ADGRB3: variants seen among roughly 807,000 people sequenced by gnomAD.
The protein encoded by ADGRB3 is adhesion G protein-coupled receptor B3, also known as brain-specific angiogenesis inhibitor 3.
In ADGRB3, 37 loss-of-function variants were observed where a neutral mutation model predicts 193.4. That is an observed-to-expected ratio of 0.19 (90% CI 0.15 to 0.25). ADGRB3 has a LOEUF of 0.25. ADGRB3 is among the 10% of genes least tolerant of loss of function. The probability of loss-of-function intolerance (pLI) is 1.00; values close to 1 mark genes in which losing one functional copy is unlikely to be tolerated. For missense variants in ADGRB3, 1,637 were observed against 1,852.9 expected (o/e 0.88, Z 2.14); for synonymous variants, 690 against 644.2 (o/e 1.07, Z -1.08).
At chr6:69,158,076 C>G (rs1011420120) in intron 17 of ADGRB3, among the ~76,000 whole-genome samples, 4 of 152,120 alleles carry the variant, frequency 2.6e-5, no homozygotes, top group African/African-American at 7.2e-5. Flanking sequence ...TATGCCAGAT[C>G]TCCTGCTTAA....
chr6:69,218,239 G>A (rs1410683665), intron 17 of ADGRB3, among the ~76,000 whole-genome samples: 1 of 152,018 alleles, frequency 6.6e-6, no homozygotes, highest in Non-Finnish European at 1.5e-5. Context: ...ACTGATTCTG[G>A]TACCAAAAGG....
intron 24 of ADGRB3, among the ~76,000 whole-genome samples, chr6:69,337,673 A>AC (rs752270561): frequency 6.6e-6 from 1 of 151,976 alleles, no homozygotes. Flanking sequence ...CATATTCCCC[A>AC]CCCCCACACT....
At chr6:68,780,677 A>G (rs1766835706) in intron 3 of ADGRB3, among the ~76,000 whole-genome samples, 1 of 152,092 alleles carries the variant, frequency 6.6e-6, no homozygotes, top group South Asian at 2.1e-4. Context: ...TGGTGTGCTA[A>G]GCACAAGGGT....
Position 69,251,755 on chromosome 6 carries a change from A to C in ADGRB3, c.2814+12529A>C, listed in dbSNP as rs60828937. Among the ~76,000 whole-genome samples the C allele has an allele frequency of 2.5e-3, 387 of 152,304 alleles. 1 individual carries two copies. The highest frequency in any genetic ancestry group is 8.7e-3 in the African/African-American group (362 of 41,568). On this transcript the variant is annotated intron_variant, in intron 20 of 31. Transcript: ENST00000370598. ...TTACTTAACATATCCATTACCTGAC[A>C]TAGCTACCCTTTTTGTTTATTGTTT...
chr6:69,304,263 C>A (rs564166629), intron 20 of ADGRB3, among the ~76,000 whole-genome samples: 2 of 151,668 alleles, frequency 1.3e-5, no homozygotes, highest in Non-Finnish European at 2.9e-5. Context: ...ATAATTAAAT[C>A]ATCATGGAAA....
intron 20 of ADGRB3, among the ~76,000 whole-genome samples, chr6:69,271,451 C>T (rs565200987): frequency 7.3e-4 from 111 of 152,196 alleles, no homozygotes; most frequent in Non-Finnish European, 1.3e-3. Flanking sequence ...AATATTGATA[C>T]ACCTAAGGTC....
chr6:69,131,396 G>A (rs1217366662), intron 17 of ADGRB3, among the ~76,000 whole-genome samples: 2 of 142,838 alleles, frequency 1.4e-5, no homozygotes, highest in Admixed American at 1.4e-4. Context: ...TAAAGCACAA[G>A]GATTTTTTTT....
chr6:69,131,393 C>A (rs2150334164), intron 17 of ADGRB3, among the ~76,000 whole-genome samples: 1 of 143,464 alleles, frequency 7.0e-6, no homozygotes, highest in East Asian at 1.9e-4. Flanking sequence ...AGTTAAAGCA[C>A]AAGGATTTTT....
chr6:69,272,227 C>T (rs1767196752), intron 20 of ADGRB3, among the ~76,000 whole-genome samples: 1 of 152,148 alleles, frequency 6.6e-6, no homozygotes, highest in South Asian at 2.1e-4. Flanking sequence ...TTTTGTAACT[C>T]CTCTTTCTTT....
At chr6:68,815,943 T>A (rs182411108) in intron 3 of ADGRB3, among the ~76,000 whole-genome samples, 1 of 151,984 alleles carries the variant, frequency 6.6e-6, no homozygotes, top group African/African-American at 2.4e-5. Context: ...TAGGCAGATA[T>A]GGGGAAGGTA....
At chr6:68,972,677 C>G (rs1174608361) in intron 8 of ADGRB3, among the ~76,000 whole-genome samples, 1 of 152,048 alleles carries the variant, frequency 6.6e-6, no homozygotes, top group African/African-American at 2.4e-5. Context: ...TCCAAAAGGG[C>G]TTAATAAATA....
chr6:68,707,021 C>T (rs998749896), intron 3 of ADGRB3, among the ~76,000 whole-genome samples: 5 of 145,870 alleles, frequency 3.4e-5, no homozygotes, highest in African/African-American at 1.3e-4. Flanking sequence ...TGAGGCAGGA[C>T]AATGGTGTGA....
Position 68,887,492 on chromosome 6 carries a change from C to T in ADGRB3, c.758-43067C>T, listed in dbSNP as rs531409010. Among the ~76,000 whole-genome samples, 14 of 152,136 alleles carry T rather than the reference C, an allele frequency of 9.2e-5. No homozygotes were observed. The South Asian group carries it at 1.4e-3, about 16-fold the overall frequency. ...AACTAATTTCTTAAGTACTATTTTC[C>T]GGTTAGCAGACAACATAACGAGTTT... On this transcript the variant is annotated intron_variant, in intron 3 of 31. Transcript: ENST00000370598.
intron 3 of ADGRB3, among the ~76,000 whole-genome samples, chr6:68,745,457 G>A (rs1029815906): frequency 2.0e-5 from 3 of 152,098 alleles, no homozygotes; most frequent in African/African-American, 7.2e-5. Context: ...GAGAGGAGTT[G>A]TTTAATGAGT....
At chr6:68,767,721 T>A (rs1766537333) in intron 3 of ADGRB3, among the ~76,000 whole-genome samples, 2 of 151,982 alleles carry the variant, frequency 1.3e-5, no homozygotes, top group Admixed American at 6.6e-5. Context: ...AAATAAAGGG[T>A]CTTCAAATAG....
At chr6:68,656,339 A>C (rs561433710) in intron 3 of ADGRB3, among the ~76,000 whole-genome samples, 4 of 151,586 alleles carry the variant, frequency 2.6e-5, no homozygotes, top group African/African-American at 9.7e-5. Context: ...AGATTTTGAC[A>C]TTACTGTGTG....
chr6:69,067,566 C>T (rs1294235058), intron 16 of ADGRB3, among the ~76,000 whole-genome samples: 2 of 152,088 alleles, frequency 1.3e-5, no homozygotes, highest in Non-Finnish European at 2.9e-5. Context: ...CTTGGCAAAA[C>T]TTTGAAAAGT....
chr6:68,979,379 C>T (rs891593330), intron 10 of ADGRB3, among the ~76,000 whole-genome samples: 4 of 151,292 alleles, frequency 2.6e-5, no homozygotes, highest in African/African-American at 9.7e-5. Context: ...TGATTGGTGA[C>T]ATCACTTTAT....
At chr6:69,146,179 A>G (rs1774487810) in intron 17 of ADGRB3, among the ~76,000 whole-genome samples, 1 of 152,050 alleles carries the variant, frequency 6.6e-6, no homozygotes, top group African/African-American at 2.4e-5. Flanking sequence ...CCCTCCCCTC[A>G]GCTTTACCCC....
Sources: allele counts gnomAD v4.1 joint callset (sites outside exome capture counted in the v4.1 genomes callset), GRCh38; gene constraint gnomAD v4.1.1; transcripts MANE v1.5; gene names NCBI Gene and HGNC (gene_info 2026-07-23, HGNC 2026-07-21).